Variants in PWWP2A observed in about 807,000 individuals in gnomAD.
PWWP2A encodes the protein PWWP domain-containing protein 2A.
In PWWP2A, 18 loss-of-function variants were observed where a neutral mutation model predicts 48.5. The observed-to-expected ratio is 0.37, with a 90% CI of 0.26 to 0.55. The LOEUF (loss-of-function observed/expected upper bound fraction) is 0.55. Among genes scored for constraint, PWWP2A ranks in the 20% least tolerant of loss-of-function variants. The pLI is 0.81. For missense variants in PWWP2A, 867 were observed against 976.4 expected, an observed-to-expected ratio of 0.89 and a Z score of 1.49; for synonymous variants, 396 against 387.7, an observed-to-expected ratio of 1.02 and a Z score of -0.25.
At chr5:160,069,736 G>A (rs1753698515) in intron 2 of PWWP2A, among the ~76,000 whole-genome samples, 1 of 152,134 alleles carries the variant, frequency 6.6e-6, no homozygotes, top group African/African-American at 2.4e-5. Flanking sequence ...AAAGCATTCT[G>A]TAAAGAAGGT....
chr5:160,071,745 C>T (rs1219426492), downstream of PWWP2A, among the ~76,000 whole-genome samples: 2 of 152,136 alleles, frequency 1.3e-5, no homozygotes, highest in African/African-American at 4.8e-5. Flanking sequence ...CTGCGCAGCC[C>T]CCATTCAGAT....
chr5:160,054,412 G>A, the PWWP2A span, among the ~76,000 whole-genome samples: 1 of 152,108 alleles, frequency 6.6e-6, no homozygotes, highest in Non-Finnish European at 1.5e-5. Flanking sequence ...CCAGCAGTTC[G>A]AGACCAGCCT....
At chr5:160,104,923 T>A (rs1561690129) in intron 1 of PWWP2A, among the ~76,000 whole-genome samples, 1 of 152,036 alleles carries the variant, frequency 6.6e-6, no homozygotes, top group Non-Finnish European at 1.5e-5. Flanking sequence ...TTCTCAAATA[T>A]GAGCCCTTTT....
At chr5:160,111,653 T>C (rs1310492143) in intron 1 of PWWP2A, among the ~76,000 whole-genome samples, 4 of 152,034 alleles carry the variant, frequency 2.6e-5, no homozygotes, top group African/African-American at 9.7e-5. Flanking sequence ...AAAATAATCA[T>C]TAAGACAGTT....
In PWWP2A at chr5:160,093,933, A is replaced by C; in HGVS notation, c.717T>G (p.Val239=). The C allele has an allele frequency of 4.3e-6, 7 of 1,614,038 alleles. No individual in the cohort carries two copies. Among genetic ancestry groups the C allele is most frequent in the Non-Finnish European group, 5.9e-6 (7 of 1,179,894 alleles). Residue 239 remains valine, a synonymous_variant, in exon 2 of 2, where the codon GTT becomes GTG. Coordinates refer to ENST00000307063, the MANE Select transcript of PWWP2A (RefSeq NM_001130864.2). The surrounding 1 kb of genome is among the most constrained non-coding windows in gnomAD (Gnocchi z 5.8). ...GCGGGACAGGAGAAGGGTCATCGGG[A>C]ACAGCACCATTTGCTTCACACTTGA... ...TEVKCEANGA[V]PDDPSPVPHP...
chr5:160,113,265 CT>C (rs1285979093), intron 1 of PWWP2A: 19 of 975,638 alleles, frequency 1.9e-5, no homozygotes, highest in African/African-American at 1.6e-4. Flanking sequence ...TGTCCAGCTC[CT>C]TTTTTTTCAC....
downstream of PWWP2A, among the ~76,000 whole-genome samples, chr5:160,061,458 TG>T (rs1406863705): frequency 6.6e-6 from 1 of 152,258 alleles, no homozygotes; most frequent in African/African-American, 2.4e-5. Context: ...GACCATGTCA[TG>T]TATCTTTGCA....
rs764385569 is a variant in PWWP2A at position 160,093,979 on chromosome 5, G to T, written c.671C>A (p.Thr224Lys). Residue 224 changes from threonine (T) to lysine (K), a missense_variant, in exon 2 of 2, where the codon ACA becomes AAA. Physicochemically the swap from Thr to Lys is moderately conservative, Grantham distance 78. This residue lies in a region of PWWP2A where 385 missense variants were observed against 396.9 expected (regional missense o/e 0.97). Coordinates refer to ENST00000307063, the MANE Select transcript of PWWP2A (RefSeq NM_001130864.2). This position sits in a 1 kb window ranked among gnomAD's most constrained non-coding sequence, Gnocchi z 5.8. Reference protein sequence around the residue: ...KPEAMPLQSNTFQEGTEVKCE... With the variant: ...KPEAMPLQSNKFQEGTEVKCE... ...CTTGACTTCTGTCCCTTCTTGGAAT[G>T]TATTACTTTGGAGCGGCATGGCTTC... 1 of 1,614,000 alleles carries T rather than the reference G, an allele frequency of 6.2e-7. No individual in the cohort carries two copies. The highest frequency in any genetic ancestry group is 8.5e-7 in the Non-Finnish European group (1 of 1,179,870).
chr5:160,063,604 G>A (rs1415076706), exon 5 of PWWP2A: 4 of 152,228 alleles, frequency 2.6e-5, no homozygotes, highest in Admixed American at 1.3e-4. Flanking sequence ...GTGGGAAGGA[G>A]CCTGTACCTC....
intron 4 of PWWP2A, among the ~76,000 whole-genome samples, chr5:160,065,712 A>G (rs563615156): frequency 6.6e-6 from 1 of 152,338 alleles, no homozygotes; most frequent in South Asian, 2.1e-4. Flanking sequence ...TGACCATTCT[A>G]CCATGTACTA....
At chr5:160,054,013 G>A in the PWWP2A span, among the ~76,000 whole-genome samples, 6 of 152,288 alleles carry the variant, frequency 3.9e-5, no homozygotes, top group South Asian at 2.1e-4. Context: ...GAAGATGATC[G>A]TGATAGCATC....
chr5:160,094,153 TTATA>T, intron 1 of PWWP2A, 88 bp from the exon 2 acceptor site: 1 of 1,351,986 alleles, frequency 7.4e-7, no homozygotes, highest in Non-Finnish European at 9.7e-7. Flanking sequence ...TGATGCTTAT[TTATA>T]TAACCTTTCC....
At chr5:160,104,788 G>A (rs1756697178) in intron 1 of PWWP2A, among the ~76,000 whole-genome samples, 1 of 152,150 alleles carries the variant, frequency 6.6e-6, no homozygotes, top group Admixed American at 6.5e-5. Flanking sequence ...CTGGGCGACA[G>A]AGTGAGACTC....
In PWWP2A at chr5:160,092,263, G is replaced by C. The variant is rs2113526450; in HGVS notation, c.*119C>G. 1 of 1,426,848 alleles carries C rather than the reference G, an allele frequency of 7.0e-7. No homozygotes were observed. The highest frequency in any genetic ancestry group is 2.5e-5 in the East Asian group (1 of 39,934). The allele number at this position is 1,426,848 out of a possible 1,614,324, so 88.4% of individuals were successfully genotyped here. On this transcript the variant is annotated 3_prime_UTR_variant, in exon 2 of 2. Coordinates refer to ENST00000307063, the MANE Select transcript of PWWP2A (RefSeq NM_001130864.2). ...CTATAAGGTAAGTATTAAAAAGCCA[G>C]CCAACTGAGTGCAACTTCTCTCTCC...
chr5:160,116,878 A>T, intron 1 of PWWP2A: 1 of 516,848 alleles, frequency 1.9e-6, no homozygotes, highest in Non-Finnish European at 2.5e-6. Flanking sequence ...GGATCACCTG[A>T]GGTCAGGAGT....
At chr5:160,081,903 TAA>T (rs1356372038) in intron 2 of PWWP2A, among the ~76,000 whole-genome samples, 1 of 152,342 alleles carries the variant, frequency 6.6e-6, no homozygotes, top group African/African-American at 2.4e-5. Flanking sequence ...TTTTTAATGC[TAA>T]GTTAAATTAG....
At position 160,093,236 on chromosome 5, in the gene PWWP2A, G is replaced by T; in HGVS notation, c.1414C>A (p.Pro472Thr). 1 of 1,614,030 alleles carries T rather than the reference G, an allele frequency of 6.2e-7. No individual in the cohort carries two copies. Among genetic ancestry groups the T allele is most frequent in the Non-Finnish European group, 8.5e-7 (1 of 1,179,900 alleles). The change falls in exon 2 of 2, where the codon CCC becomes ACC. Residue 472 changes from proline (P) to threonine (T), a missense_variant. Pro to Thr is a conservative substitution (Grantham distance 38, BLOSUM62 -1). Coordinates refer to ENST00000307063, the MANE Select transcript of PWWP2A (RefSeq NM_001130864.2). This position sits in a 1 kb window ranked among gnomAD's most constrained non-coding sequence, Gnocchi z 5.8. The stretch of plus-strand genomic sequence containing the variant: ...CTCTGTGGTTTTAAACGAACCCGGG[G>T]TGGAAGGGAACCTGAGCTAGGATTC... ...YQNPSSGSLPPRVRLKPQRYR... is the reference protein window; with the variant it reads ...YQNPSSGSLPTRVRLKPQRYR...
chr5:160,096,402 C>T (rs1581211754), intron 1 of PWWP2A, among the ~76,000 whole-genome samples: 1 of 152,316 alleles, frequency 6.6e-6, no homozygotes, highest in East Asian at 1.9e-4. Context: ...CTTTCTTACA[C>T]AGTACATAGG....
chr5:160,096,081 G>A (rs988846709), intron 1 of PWWP2A, among the ~76,000 whole-genome samples: 3 of 152,150 alleles, frequency 2.0e-5, no homozygotes, highest in African/African-American at 4.8e-5. Flanking sequence ...AAACCTAAAC[G>A]TGGGCAGGAT....
Sources: gnomAD v4.1 joint callset for allele counts (sites outside exome capture counted in the v4.1 genomes callset) on GRCh38, gnomAD v4.1.1 for gene constraint, gnomAD v4.1.1 regional missense constraint, Gnocchi (gnomAD v3.1) non-coding constraint, MANE v1.5 for transcripts, NCBI Gene and HGNC (gene_info 2026-07-23, HGNC 2026-07-21) for gene names.